PLS3: variants seen among roughly 807,000 people sequenced by gnomAD.
The protein encoded by PLS3 is plastin-3.
PLS3 carries 11 observed loss-of-function variants against 46.5 expected under a neutral mutation model. That is an observed-to-expected ratio of 0.24 (90% CI 0.15 to 0.39). The LOEUF (loss-of-function observed/expected upper bound fraction) is 0.39. PLS3 is among the 10% of genes least tolerant of loss of function. The pLI is 1.00. For missense variants in PLS3, 308 were observed against 461.8 expected (o/e 0.67, Z 3.05); for synonymous variants, 167 against 162.2 (o/e 1.03, Z -0.22).
intron 10 of PLS3, among the ~76,000 whole-genome samples, chrX:115,644,135 T>C (rs1437014073): frequency 1.8e-5 from 2 of 111,369 alleles, no homozygotes; most frequent in African/African-American, 6.5e-5. Flanking sequence ...TTAGCATATA[T>C]TTATGTTTCA....
chrX:115,624,344 T>C (rs912574651), intron 3 of PLS3: 2 of 111,610 alleles, frequency 1.8e-5, no homozygotes, highest in African/African-American at 6.5e-5. Context: ...TCTCCAGTTA[T>C]GGCCAAAGCC....
At chrX:115,629,129 A>G in intron 3 of PLS3, 69 bp from the exon 4 acceptor site, 2 of 741,911 alleles carry the variant, frequency 2.7e-6, no homozygotes, top group Non-Finnish European at 4.0e-6. Flanking sequence ...GATATAAAAG[A>G]ATATAAATAT....
chrX:115,601,181 G>A (rs190799905), intron 1 of PLS3, among the ~76,000 whole-genome samples: 2 of 109,872 alleles, frequency 1.8e-5, no homozygotes, highest in Non-Finnish European at 3.8e-5. Flanking sequence ...TCCAGGGAGT[G>A]GAAGAAGCGG....
Position 115,602,575 on chromosome X carries a change from T to G in PLS3, c.-8-7668T>G, listed in dbSNP as rs367986028. On this transcript the variant is annotated intron_variant, in intron 1 of 15. Transcript: ENST00000355899. ...AGTGTGGGTGTTCAAAAGCACTGCC[T>G]GTTTTGGATGGAGGAAGGTGACAAC... 3.6e-5 allele frequency among the ~76,000 whole-genome samples: 4 copies of G among 111,760 alleles called. No individual in the cohort carries two copies. In the East Asian group the frequency reaches 1.1e-3, roughly 32 times the overall value.
rs782791824 is a variant in PLS3, at chrX:115,609,256, T to C, written c.-8-987T>C. Among the ~76,000 whole-genome samples, 10 of 111,167 alleles carry C rather than the reference T, an allele frequency of 9.0e-5. No homozygotes were observed. In the South Asian group the frequency reaches 3.8e-3, roughly 42 times the overall value. On this transcript the variant is annotated intron_variant, in intron 1 of 15. Transcript: ENST00000355899. ...TACTGTGATACAGACCTCCTCTCTTTATTGCCAGGATCAGCAAAGTTTTTC... is the reference window on the plus strand; with the variant it reads ...TACTGTGATACAGACCTCCTCTCTTCATTGCCAGGATCAGCAAAGTTTTTC...
At chrX:115,596,448 T>C (rs1043517929) in intron 1 of PLS3, among the ~76,000 whole-genome samples, 1 of 111,231 alleles carries the variant, frequency 9.0e-6, no homozygotes, top group Non-Finnish European at 1.9e-5. Flanking sequence ...GAGAAAGAAA[T>C]AGATGTCATC....
chrX:115,592,530 A>G (rs1556633267), intron 1 of PLS3, among the ~76,000 whole-genome samples: 1 of 111,531 alleles, frequency 9.0e-6, no homozygotes, highest in Non-Finnish European at 1.9e-5. Context: ...TCAGCACAGA[A>G]ACGGCCTCTT....
At chrX:115,631,547 A>G (rs1556639420) in intron 5 of PLS3, among the ~76,000 whole-genome samples, 1 of 110,258 alleles carries the variant, frequency 9.1e-6, no homozygotes. Flanking sequence ...AGTCTGGGCA[A>G]CAAAACGAGA....
chrX:115,565,340 T>C (rs2074165719), intron 1 of PLS3, among the ~76,000 whole-genome samples: 2 of 111,554 alleles, frequency 1.8e-5, no homozygotes, highest in South Asian at 7.6e-4. Flanking sequence ...GTATTGTTAG[T>C]ATACAAAAAT....
intron 1 of PLS3, among the ~76,000 whole-genome samples, chrX:115,596,488 T>C (rs1556633887): frequency 9.0e-6 from 1 of 110,980 alleles, no homozygotes; most frequent in Non-Finnish European, 1.9e-5. Flanking sequence ...GCTATAGGAA[T>C]ATGGGGAAGG....
intron 5 of PLS3, among the ~76,000 whole-genome samples, chrX:115,630,226 G>T (rs1238346164): frequency 9.0e-6 from 1 of 111,048 alleles, no homozygotes; most frequent in Non-Finnish European, 1.9e-5. Context: ...TTACAACTTT[G>T]TTGAACTTAA....
rs782328636 is a variant in PLS3, at chrX:115,611,346, C to T, written c.73+1023C>T. Among the ~76,000 whole-genome samples, 75 of 111,238 alleles carry T rather than the reference C, an allele frequency of 6.7e-4. 1 individual carries two copies. The South Asian group carries it at 0.024, about 36-fold the overall frequency. Reference sequence around the variant, plus strand: ...CCTGAATCTAACATGATCGCGCGCACGCGCGTGTGTGTGTGTGTATAAAAA... The same window carrying T: ...CCTGAATCTAACATGATCGCGCGCATGCGCGTGTGTGTGTGTGTATAAAAA... On this transcript the variant is annotated intron_variant, in intron 2 of 15. Transcript: ENST00000355899.
At chrX:115,563,548 T>C in intron 1 of PLS3, among the ~76,000 whole-genome samples, 1 of 111,322 alleles carries the variant, frequency 9.0e-6, no homozygotes, top group South Asian at 3.8e-4. Flanking sequence ...AAGCTTTGCT[T>C]ATCTGAAAAA....
At chrX:115,638,469 TC>T (rs1556640570) in intron 8 of PLS3, among the ~76,000 whole-genome samples, 1 of 109,971 alleles carries the variant, frequency 9.1e-6, no homozygotes, top group Admixed American at 9.8e-5. Flanking sequence ...GGACTCAAGC[TC>T]CTGGGCTCAA....
chrX:115,642,861 G>GA (rs1285978586), intron 9 of PLS3, among the ~76,000 whole-genome samples: 1 of 111,002 alleles, frequency 9.0e-6, no homozygotes, highest in African/African-American at 3.3e-5. Flanking sequence ...AAGTACATTT[G>GA]AAAAAAAATT....
chrX:115,627,940 A>G (rs1244004861), intron 3 of PLS3, among the ~76,000 whole-genome samples: 6 of 112,571 alleles, frequency 5.3e-5, no homozygotes, highest in South Asian at 3.6e-4. Context: ...AATTTAAGAA[A>G]GGTAACAGGA....
intron 1 of PLS3, among the ~76,000 whole-genome samples, chrX:115,572,953 T>C (rs1335523459): frequency 1.9e-5 from 2 of 107,926 alleles, no homozygotes; most frequent in Non-Finnish European, 3.8e-5. Flanking sequence ...ATTAGCCAAG[T>C]GTGGTGGCAA....
intron 5 of PLS3, among the ~76,000 whole-genome samples, chrX:115,631,928 C>T (rs1426069700): frequency 1.8e-5 from 2 of 110,058 alleles, no homozygotes; most frequent in Non-Finnish European, 3.8e-5. Context: ...CTCAGCCTCC[C>T]GAGTAGCTGG....
intron 3 of PLS3, among the ~76,000 whole-genome samples, chrX:115,623,827 T>C (rs1556638032): frequency 8.9e-6 from 1 of 112,487 alleles, no homozygotes; most frequent in African/African-American, 3.2e-5. Flanking sequence ...TTTGAAATGT[T>C]CTTTCCAATT....
Sources: gnomAD v4.1 joint callset for allele counts (sites outside exome capture counted in the v4.1 genomes callset) on GRCh38, gnomAD v4.1.1 for gene constraint, MANE v1.5 for transcripts, NCBI Gene and HGNC (gene_info 2026-07-23, HGNC 2026-07-21) for gene names.